Variants in SRPK2 observed in about 807,000 individuals in gnomAD.
SRPK2 encodes SRSF protein kinase 2.
A neutral mutation model predicts 90.8 loss-of-function variants in SRPK2; 21 were observed. That is an observed-to-expected ratio of 0.23 (90% CI 0.16 to 0.33). The LOEUF is 0.33. Among genes scored for constraint, SRPK2 ranks in the 10% least tolerant of loss-of-function variants. SRPK2 has a pLI of 1.00. For missense variants in SRPK2, 620 were observed against 869.0 expected (o/e 0.71, Z 3.60); for synonymous variants, 288 against 311.1 (o/e 0.93, Z 0.78).
At chr7:105,272,127 T>C (rs1805912322) in intron 2 of SRPK2, among the ~76,000 whole-genome samples, 1 of 152,188 alleles carries the variant, frequency 6.6e-6, no homozygotes, top group Non-Finnish European at 1.5e-5. Flanking sequence ...TCTTCACAAT[T>C]CTAAAATGAC....
At chr7:105,290,655 CT>C (rs1277298403) in intron 2 of SRPK2, among the ~76,000 whole-genome samples, 1 of 152,150 alleles carries the variant, frequency 6.6e-6, no homozygotes, top group Non-Finnish European at 1.5e-5. Context: ...CACACGCAGA[CT>C]CTGTCTCAAC....
At chr7:105,253,035 G>A (rs1316650276) in intron 2 of SRPK2, among the ~76,000 whole-genome samples, 1 of 152,082 alleles carries the variant, frequency 6.6e-6, no homozygotes, top group Non-Finnish European at 1.5e-5. Context: ...GAGCCACCGC[G>A]CCCGACCCAA....
intron 3 of SRPK2, among the ~76,000 whole-genome samples, chr7:105,176,791 C>T (rs145965824): frequency 0.023 from 3,418 of 151,568 alleles, 65 homozygotes; most frequent in Middle Eastern, 0.086. Context: ...ATATATACCA[C>T]GCCTGGCTAA....
intron 2 of SRPK2, among the ~76,000 whole-genome samples, chr7:105,239,396 T>C (rs1055582145): frequency 6.6e-6 from 1 of 152,248 alleles, no homozygotes; most frequent in Non-Finnish European, 1.5e-5. Context: ...TATCTTTGCA[T>C]AGGTCACTCA....
intron 2 of SRPK2, among the ~76,000 whole-genome samples, chr7:105,305,920 T>C (rs1585633844): frequency 1.3e-5 from 2 of 152,184 alleles, no homozygotes; most frequent in Non-Finnish European, 2.9e-5. Context: ...GGAAGATAAC[T>C]AGAAATGTAT....
At chr7:105,288,367 G>A (rs992657982) in intron 2 of SRPK2, among the ~76,000 whole-genome samples, 4 of 152,054 alleles carry the variant, frequency 2.6e-5, no homozygotes, top group Non-Finnish European at 2.9e-5. Context: ...GAGGTAGGGC[G>A]GGTGGATCAC....
intron 6 of SRPK2, 39 bp from the exon 7 acceptor site, chr7:105,160,652 T>G (rs928061190): frequency 8.2e-7 from 1 of 1,220,090 alleles, no homozygotes; most frequent in Non-Finnish European, 1.2e-6. Flanking sequence ...ATGCACTGCC[T>G]GGAGTGAGGC....
chr7:105,368,360 A>G (rs1044506470), intron 2 of SRPK2, among the ~76,000 whole-genome samples: 3 of 152,114 alleles, frequency 2.0e-5, no homozygotes, highest in Middle Eastern at 3.2e-3. Context: ...CTCTTCAGAG[A>G]AAAAAAATTT....
chr7:105,243,308 C>CATTCT (rs1332314590), intron 2 of SRPK2, among the ~76,000 whole-genome samples: 36 of 152,166 alleles, frequency 2.4e-4, no homozygotes, highest in African/African-American at 8.7e-4. Context: ...ACCCCGCCTA[C>CATTCT]ATTCTAATCT....
intron 2 of SRPK2, among the ~76,000 whole-genome samples, chr7:105,276,461 G>A (rs1439205173): frequency 6.6e-6 from 1 of 151,826 alleles, no homozygotes; most frequent in Non-Finnish European, 1.5e-5. Flanking sequence ...AATGCAGCTG[G>A]TCAAGGTGGC....
At chr7:105,177,576 G>A (rs559805776) in intron 3 of SRPK2, among the ~76,000 whole-genome samples, 61 of 152,222 alleles carry the variant, frequency 4.0e-4, no homozygotes, top group South Asian at 3.5e-3. Flanking sequence ...TGTCAATGGA[G>A]GTTTACCAAT....
At chr7:105,333,308 C>A (rs1403017410) in intron 2 of SRPK2, among the ~76,000 whole-genome samples, 1 of 152,126 alleles carries the variant, frequency 6.6e-6, no homozygotes, top group Non-Finnish European at 1.5e-5. Flanking sequence ...GGATAATACC[C>A]AGAAATGTTT....
At chr7:105,336,370 T>C (rs1407107075) in intron 2 of SRPK2, among the ~76,000 whole-genome samples, 1 of 152,170 alleles carries the variant, frequency 6.6e-6, no homozygotes, top group African/African-American at 2.4e-5. Flanking sequence ...TTGGGACTGT[T>C]TTAAAATACC....
At chr7:105,366,652 A>C (rs1262432084) in intron 2 of SRPK2, among the ~76,000 whole-genome samples, 1 of 152,208 alleles carries the variant, frequency 6.6e-6, no homozygotes, top group Non-Finnish European at 1.5e-5. Context: ...TACAGGCGTG[A>C]GCCACCAGGC....
chr7:105,389,712 C>T (rs909353313), upstream of SRPK2, among the ~76,000 whole-genome samples: 4 of 152,196 alleles, frequency 2.6e-5, no homozygotes, highest in Admixed American at 2.6e-4. Flanking sequence ...GAAATTCAGG[C>T]CTGGCCGTCG....
chr7:105,282,328 A>G (rs1807454209), intron 2 of SRPK2, among the ~76,000 whole-genome samples: 1 of 152,230 alleles, frequency 6.6e-6, no homozygotes, highest in Admixed American at 6.5e-5. Flanking sequence ...TTCAAAATGG[A>G]TCAAACAGCT....
intron 2 of SRPK2, among the ~76,000 whole-genome samples, chr7:105,340,149 AAAG>A (rs569723482): frequency 1.4e-4 from 22 of 152,224 alleles, no homozygotes; most frequent in African/African-American, 5.1e-4. Context: ...TGTCTGTAAC[AAAG>A]AAGTAAAAAA....
intron 2 of SRPK2, among the ~76,000 whole-genome samples, chr7:105,285,164 T>C (rs118062198): frequency 0.014 from 2,062 of 152,110 alleles, 25 homozygotes; most frequent in African/African-American, 0.034. Flanking sequence ...GGCAGGAGGA[T>C]TGCTTGAGCC....
intron 2 of SRPK2, among the ~76,000 whole-genome samples, chr7:105,267,113 C>T (rs771573691): frequency 6.6e-6 from 1 of 152,060 alleles, no homozygotes; most frequent in Non-Finnish European, 1.5e-5. Context: ...AAATCATGAC[C>T]ACATGCGTCC....
Sources: gnomAD v4.1 joint callset for allele counts (sites outside exome capture counted in the v4.1 genomes callset) on GRCh38, gnomAD v4.1.1 for gene constraint, MANE v1.5 for transcripts, NCBI Gene and HGNC (gene_info 2026-07-23, HGNC 2026-07-21) for gene names.